The following WNT8B variants were observed in gnomAD, a reference collection of about 807,000 sequenced individuals.
WNT8B encodes the protein protein Wnt-8b.
Under a neutral mutation model 36.6 loss-of-function variants are expected in WNT8B, and 24 were observed. That is an observed-to-expected ratio of 0.66 (90% CI 0.48 to 0.92). WNT8B has a LOEUF of 0.92. WNT8B is among the 40% of genes least tolerant of loss of function. WNT8B has a pLI of 0.00. For missense variants in WNT8B, 402 were observed against 470.8 expected, an observed-to-expected ratio of 0.85 and a Z score of 1.35; for synonymous variants, 199 against 189.8, an observed-to-expected ratio of 1.05 and a Z score of -0.40.
At chr10:100,479,589 G>A (rs577739030) in intron 2 of WNT8B, among the ~76,000 whole-genome samples, 1 of 152,076 alleles carries the variant, frequency 6.6e-6, no homozygotes, top group Non-Finnish European at 1.5e-5. Context: ...AGGATAATAG[G>A]GACTAGAGTC....
Position 100,472,271 on chromosome 10 carries a change from C to A in WNT8B, c.69-6781C>A, listed in dbSNP as rs1017119562. ...GACTACAGGCACCCGCCACCACACC[C>A]AGCTAATTTTTTGTATTTTTAGTAG... On this transcript the variant is annotated intron_variant, in intron 1 of 5. Coordinates refer to ENST00000343737, the MANE Select transcript of WNT8B (RefSeq NM_003393.4). Among the ~76,000 whole-genome samples the A allele has an allele frequency of 2.0e-5, 3 of 151,624 alleles. No individual in the cohort carries two copies. In the East Asian group the frequency reaches 5.9e-4, roughly 30 times the overall value.
chr10:100,468,763 G>A (rs1156631704), intron 1 of WNT8B, among the ~76,000 whole-genome samples: 2 of 152,194 alleles, frequency 1.3e-5, no homozygotes, highest in African/African-American at 4.8e-5. Flanking sequence ...TTTGTGCTTT[G>A]CTTGTGAAGG....
At chr10:100,478,720 T>C (rs1380734519) in intron 1 of WNT8B, among the ~76,000 whole-genome samples, 3 of 152,110 alleles carry the variant, frequency 2.0e-5, no homozygotes, top group African/African-American at 7.2e-5. Flanking sequence ...TAGCTGGGAC[T>C]ACAGGCGCCT....
At chr10:100,481,211 TCTTCTAAATATGAAGAAA>T (rs1230964332) in intron 4 of WNT8B, 88 bp downstream of exon 4, 1 of 1,519,768 alleles carries the variant, frequency 6.6e-7, no homozygotes, top group African/African-American at 1.4e-5. Flanking sequence ...AGAGCTGTAT[TCTTCTAAATATGAAGAAA>T]ATCATGCGGA....
At chr10:100,478,230 A>G (rs937973691) in intron 1 of WNT8B, among the ~76,000 whole-genome samples, 2 of 152,194 alleles carry the variant, frequency 1.3e-5, no homozygotes, top group African/African-American at 4.8e-5. Context: ...CTAACGTCCC[A>G]CGGAGTCAGA....
chr10:100,474,414 C>T (rs2133654322), intron 1 of WNT8B, among the ~76,000 whole-genome samples: 1 of 152,278 alleles, frequency 6.6e-6, no homozygotes, highest in South Asian at 2.1e-4. Flanking sequence ...CCCATACAAA[C>T]ACTTAAATTC....
intron 4 of WNT8B, 121 bp downstream of exon 4, chr10:100,481,244 G>A (rs1461076155): frequency 7.3e-7 from 1 of 1,369,144 alleles, no homozygotes; most frequent in African/African-American, 1.5e-5. Flanking sequence ...TGCGGAAGAT[G>A]GGTGAACGAG....
Position 100,482,546 on chromosome 10 carries a change from A to G in WNT8B, c.786A>G (p.Leu262=). 6.3e-7 allele frequency: 1 copy of G among 1,599,386 alleles called. No homozygotes were observed. The highest frequency in any genetic ancestry group is 8.5e-7 in the Non-Finnish European group (1 of 1,179,094). Residue 262 remains leucine (L), a synonymous_variant, in exon 6 of 6, where the codon CTA becomes CTG. Transcript: ENST00000343737. The surrounding 1 kb of genome is among the most constrained non-coding windows in gnomAD (Gnocchi z 6.6). The stretch of plus-strand genomic sequence containing the variant: ...ACTACTGCCTGGAGAACAAAACGCT[A>G]GGGCTGCTGGGCACCGAAGGCCGAG... The part of the protein sequence containing the change: ...SPDYCLENKT[L]GLLGTEGREC...
At position 100,482,332 on chromosome 10, in the gene WNT8B, C is replaced by T. The variant is rs1055435219; in HGVS notation, c.572C>T (p.Thr191Met). The T allele has an allele frequency of 1.9e-6, 3 of 1,602,882 alleles. No homozygotes were observed. Among genetic ancestry groups the T allele is most frequent in the Non-Finnish European group, 2.5e-6 (3 of 1,179,732 alleles). ...CACGGCGTGTCTGGCAGCTGCACCACGCAGACCTGTTGGCTGCAGCTGCCC... is the reference window on the plus strand; with the variant it reads ...CACGGCGTGTCTGGCAGCTGCACCATGCAGACCTGTTGGCTGCAGCTGCCC... ...KCHGVSGSCT[T>M]QTCWLQLPEF... The change falls in exon 6 of 6, where the codon ACG becomes ATG. Residue 191 changes from threonine (T) to methionine (M), a missense_variant. By Grantham distance (81) the Thr-to-Met change is moderately conservative. Transcript: ENST00000343737. The surrounding 1 kb of genome is among the most constrained non-coding windows in gnomAD (Gnocchi z 6.6).
In WNT8B at chr10:100,482,657, G is replaced by T; in HGVS notation, c.897G>T (p.Glu299Asp). 6.2e-7 allele frequency: 1 copy of T among 1,607,208 alleles called. No homozygotes were observed. ...RLCGDCGLAVEERRAETVSSC... is the reference protein window; with the variant it reads ...RLCGDCGLAVDERRAETVSSC... The stretch of plus-strand genomic sequence containing the variant: ...GCGGGGACTGCGGGCTGGCGGTGGA[G>T]GAGCGCCGGGCCGAGACCGTGTCCA... The change falls in exon 6 of 6, where the codon GAG (glutamate) becomes GAT (aspartate). Residue 299 changes from glutamate (E) to aspartate (D), a missense_variant. Glu to Asp is a conservative substitution (Grantham distance 45). Coordinates refer to ENST00000343737, the MANE Select transcript of WNT8B (RefSeq NM_003393.4). The surrounding 1 kb of genome is among the most constrained non-coding windows in gnomAD (Gnocchi z 6.6).
chr10:100,473,229 C>T (rs915788557), intron 1 of WNT8B, among the ~76,000 whole-genome samples: 2 of 152,108 alleles, frequency 1.3e-5, no homozygotes, highest in African/African-American at 4.8e-5. Flanking sequence ...GTGGCTTCTG[C>T]ACTGGTACTT....
At chr10:100,477,871 G>C (rs1319097473) in intron 1 of WNT8B, among the ~76,000 whole-genome samples, 2 of 151,302 alleles carry the variant, frequency 1.3e-5, no homozygotes, top group Non-Finnish European at 2.9e-5. Context: ...CTGCCTCCCA[G>C]GTTCAAGCGA....
At position 100,479,042 on chromosome 10, in the gene WNT8B, T is replaced by TTC; in HGVS notation, c.69-10_69-9insTC. 8 of 1,589,086 alleles carry TTC rather than the reference T, an allele frequency of 5.0e-6. No individual in the cohort carries two copies. Among genetic ancestry groups the TTC allele is most frequent in the Middle Eastern group, 1.7e-4 (1 of 5,940 alleles). ...TTATATTCTGTTTTTGTTTTTTTTT[T>TTC]CCCTTATAGGTCGGTGAACAATTTC... On this transcript the variant is annotated splice_polypyrimidine_tract_variant and intron_variant, in intron 1 of 5. Transcript: ENST00000343737.
In WNT8B at chr10:100,483,141, C is replaced by A. The variant is rs1165172503; in HGVS notation, c.*325C>A. 1.0e-4 allele frequency: 29 copies of A among 288,158 alleles called. No homozygotes were observed. The highest frequency in any genetic ancestry group is 6.4e-6 in the Non-Finnish European group (1 of 156,312). The allele number at this position is 288,158 out of a possible 1,614,324, so 17.9% of individuals were successfully genotyped here. ...CTAATGTCTGACCTAGCCTATCAAG[C>A]CTTAGGCGCTGGAAGAACCCTTCTC... On this transcript the variant is annotated 3_prime_UTR_variant, in exon 6 of 6. Transcript: ENST00000343737.
At chr10:100,468,743 C>T (rs896361798) in intron 1 of WNT8B, among the ~76,000 whole-genome samples, 5 of 152,226 alleles carry the variant, frequency 3.3e-5, no homozygotes, top group African/African-American at 9.6e-5. Context: ...AAAAGATGAT[C>T]CCCCGAACAT....
intron 1 of WNT8B, among the ~76,000 whole-genome samples, chr10:100,468,699 T>C (rs1337263866): frequency 6.6e-6 from 1 of 152,238 alleles, no homozygotes. Flanking sequence ...CTATAAAATA[T>C]CCTGGAATAC....
chr10:100,475,687 TGGAAAATG>T (rs1268699266), intron 1 of WNT8B, among the ~76,000 whole-genome samples: 1 of 152,198 alleles, frequency 6.6e-6, no homozygotes, highest in Non-Finnish European at 1.5e-5. Flanking sequence ...TTCTGTCTTA[TGGAAAATG>T]GGAACTAGCT....
chr10:100,463,144 T>C lies in WNT8B; in HGVS notation c.-25T>C. The C allele has an allele frequency of 1.2e-6, 2 of 1,611,462 alleles. No homozygotes were observed. Among genetic ancestry groups the C allele is most frequent in the Non-Finnish European group, 1.7e-6 (2 of 1,178,368 alleles). On this transcript the variant is annotated 5_prime_UTR_variant, in exon 1 of 6. Transcript: ENST00000343737. ...CCCATCTCCCAGTTTTTTGGAATTTTCTCTAGCTGTTACTCCAGAGGATTA... is the reference window on the plus strand; with the variant it reads ...CCCATCTCCCAGTTTTTTGGAATTTCCTCTAGCTGTTACTCCAGAGGATTA...
At position 100,483,703 on chromosome 10, in the gene WNT8B, TAAAG is replaced by T. The variant is rs1412152644; in HGVS notation, c.*888_*891del. 1.3e-5 allele frequency: 2 copies of T among 152,296 alleles called. No homozygotes were observed. The highest frequency in any genetic ancestry group is 6.5e-5 in the Admixed American group (1 of 15,300). 9.4% of individuals were successfully genotyped at this position (152,296 alleles called of 1,614,324 possible). The stretch of plus-strand genomic sequence containing the variant: ...TCCTCTGAGCCAAGACTGAGGTAAA[TAAAG>T]CCACTTTCCTCTTCAGATCCTGGTC... On this transcript the variant is annotated 3_prime_UTR_variant, in exon 6 of 6. Coordinates refer to ENST00000343737, the MANE Select transcript of WNT8B (RefSeq NM_003393.4).
Sources: gnomAD v4.1 joint callset for allele counts (sites outside exome capture counted in the v4.1 genomes callset) on GRCh38, gnomAD v4.1.1 for gene constraint, Gnocchi (gnomAD v3.1) non-coding constraint, MANE v1.5 for transcripts, NCBI Gene and HGNC (gene_info 2026-07-23, HGNC 2026-07-21) for gene names.